The following CPLX2 variants were observed in gnomAD, a reference collection of about 807,000 sequenced individuals.
The protein encoded by CPLX2 is complexin-2.
Under a neutral mutation model 16.3 loss-of-function variants are expected in CPLX2, and 5 were observed. That is an observed-to-expected ratio of 0.31 (90% CI 0.16 to 0.64). The LOEUF (loss-of-function observed/expected upper bound fraction) is 0.64. CPLX2 is among the 30% of genes least tolerant of loss of function. The pLI is 0.79. For synonymous variants in CPLX2, 89 were observed against 73.2 expected (o/e 1.22, Z -1.10); for missense variants, 144 against 181.4 (o/e 0.79, Z 1.18).
At chr5:175,804,837 T>C (rs1758167260) in intron 1 of CPLX2, among the ~76,000 whole-genome samples, 1 of 152,228 alleles carries the variant, frequency 6.6e-6, no homozygotes, top group Admixed American at 6.5e-5. Context: ...TGTTAGATTC[T>C]GACTTCAGAC....
chr5:175,838,063 T>A (rs1017636876), intron 2 of CPLX2, among the ~76,000 whole-genome samples: 1 of 152,232 alleles, frequency 6.6e-6, no homozygotes, highest in Middle Eastern at 3.2e-3. Context: ...GGTAGAGTCC[T>A]ATTTTTGTTG....
rs561428639 is a variant in CPLX2, at chr5:175,815,158, C to T, written c.-89+6090C>T. Among the ~76,000 whole-genome samples the T allele has an allele frequency of 4.6e-5, 7 of 152,326 alleles. No individual in the cohort carries two copies. The East Asian group carries it at 9.7e-4, about 21-fold the overall frequency. On this transcript the variant is annotated intron_variant, in intron 2 of 4. Transcript: ENST00000359546. ...CTTTCTCCTACCCTGAATGGACAAACGTCACCATCCCAGTCTGGGAGCAGT... is the reference window on the plus strand; with the variant it reads ...CTTTCTCCTACCCTGAATGGACAAATGTCACCATCCCAGTCTGGGAGCAGT...
At chr5:175,806,647 C>T (rs1033802032) in intron 1 of CPLX2, among the ~76,000 whole-genome samples, 7 of 140,448 alleles carry the variant, frequency 5.0e-5, no homozygotes, top group Non-Finnish European at 9.1e-5. Context: ...TGTGTCACCA[C>T]GCCCGGTTAA....
At chr5:175,817,655 T>C (rs1420590842) in intron 2 of CPLX2, among the ~76,000 whole-genome samples, 2 of 152,200 alleles carry the variant, frequency 1.3e-5, no homozygotes, top group South Asian at 2.1e-4. Flanking sequence ...CCCTAGGGAC[T>C]AGGGATTGAG....
chr5:175,857,147 A>G (rs1443506440), intron 2 of CPLX2, among the ~76,000 whole-genome samples: 1 of 152,112 alleles, frequency 6.6e-6, no homozygotes, highest in Non-Finnish European at 1.5e-5. Context: ...TTCCCATTAC[A>G]TTCCCTGCCA....
chr5:175,804,013 C>G (rs1047973142), intron 1 of CPLX2, among the ~76,000 whole-genome samples: 1 of 152,186 alleles, frequency 6.6e-6, no homozygotes, highest in African/African-American at 2.4e-5. Context: ...CAGTAAGACA[C>G]CTGCCTCTGG....
intron 1 of CPLX2, among the ~76,000 whole-genome samples, chr5:175,806,282 A>G (rs1314669333): frequency 3.3e-5 from 5 of 151,864 alleles, no homozygotes; most frequent in African/African-American, 1.2e-4. Flanking sequence ...GTCTTTGCAG[A>G]TGCTGTTCCT....
chr5:175,870,891 G>A (rs1759575339), upstream of CPLX2, among the ~76,000 whole-genome samples: 1 of 152,166 alleles, frequency 6.6e-6, no homozygotes, highest in African/African-American at 2.4e-5. Flanking sequence ...GACCCACTGC[G>A]AGGGTCTTGC....
chr5:175,802,635 G>C (rs1459746501), intron 1 of CPLX2, among the ~76,000 whole-genome samples: 1 of 152,156 alleles, frequency 6.6e-6, no homozygotes. Context: ...CCTCTGCAGA[G>C]TAGGGCATGG....
chr5:175,798,182 A>T (rs1758028737), intron 1 of CPLX2, among the ~76,000 whole-genome samples: 1 of 152,220 alleles, frequency 6.6e-6, no homozygotes, highest in Non-Finnish European at 1.5e-5. Flanking sequence ...TGGGCAAGTG[A>T]CTGTCTGAGA....
At chr5:175,805,237 C>T (rs574774300) in intron 1 of CPLX2, among the ~76,000 whole-genome samples, 50 of 152,220 alleles carry the variant, frequency 3.3e-4, no homozygotes, top group African/African-American at 1.2e-3. Context: ...CCCTAATAAC[C>T]CTTTTGAGTA....
intron 2 of CPLX2, among the ~76,000 whole-genome samples, chr5:175,828,119 A>T (rs1275814885): frequency 6.6e-6 from 1 of 152,246 alleles, no homozygotes; most frequent in African/African-American, 2.4e-5. Context: ...TTAAAAATTC[A>T]CCATTTACTT....
chr5:175,879,126 G>T lies in CPLX2; in HGVS notation c.207+43G>T, dbSNP rs1040791450. 3.3e-6 allele frequency: 5 copies of T among 1,528,302 alleles called. No individual in the cohort carries two copies. The East Asian group carries it at 9.8e-5, about 30-fold the overall frequency. The allele number at this position is 1,528,302 out of a possible 1,614,324, so 94.7% of individuals were successfully genotyped here. ...GCCCGTCCTGGGGAGGGCCACAAGC[G>T]GGTAAAACCGGTCCAGCTAAAGCCC... On this transcript the variant is annotated intron_variant, in intron 3 of 3. Transcript: ENST00000393745.
rs1755672903 is a variant in CPLX2, at chr5:175,883,450, A to T, written c.*3405A>T. 1 of 152,366 alleles carries T rather than the reference A, an allele frequency of 6.6e-6. No homozygotes were observed. The highest frequency in any genetic ancestry group is 2.4e-5 in the African/African-American group (1 of 41,412). The allele number at this position is 152,366 out of a possible 1,614,324, so 9.4% of individuals were successfully genotyped here. A position where few individuals can be genotyped will look rare whatever the true frequency, so the allele number is the denominator to read the frequency against. ...AGGATACAGAAGTATTGCAGCCCAGATCCCCTATCAGGGGGACAGCTGGTG... is the reference window on the plus strand; with the variant it reads ...AGGATACAGAAGTATTGCAGCCCAGTTCCCCTATCAGGGGGACAGCTGGTG... On this transcript the variant is annotated 3_prime_UTR_variant, in exon 4 of 4. Transcript: ENST00000393745.
At chr5:175,817,240 A>G (rs1758424791) in intron 2 of CPLX2, among the ~76,000 whole-genome samples, 2 of 152,268 alleles carry the variant, frequency 1.3e-5, no homozygotes, top group African/African-American at 2.4e-5. Context: ...GGAGCCAGAA[A>G]GATCTGGGTT....
chr5:175,821,670 A>G (rs1019753716), intron 2 of CPLX2, among the ~76,000 whole-genome samples: 4 of 152,148 alleles, frequency 2.6e-5, no homozygotes, highest in Non-Finnish European at 5.9e-5. Context: ...GGCCTCCCAA[A>G]GTGCTGGGAT....
At chr5:175,868,319 A>T (rs766824678), upstream of CPLX2, among the ~76,000 whole-genome samples, 1 of 152,356 alleles carries the variant, frequency 6.6e-6, no homozygotes, top group African/African-American at 2.4e-5. Flanking sequence ...GGTCTGTGAC[A>T]GTTGTCATTC....
At chr5:175,838,779 G>A (rs1011773068) in intron 2 of CPLX2, among the ~76,000 whole-genome samples, 5 of 152,196 alleles carry the variant, frequency 3.3e-5, no homozygotes, top group Admixed American at 6.5e-5. Flanking sequence ...CACCACTCAC[G>A]CAGCCAGTGC....
At chr5:175,850,493 T>C (rs1759130958) in intron 2 of CPLX2, among the ~76,000 whole-genome samples, 1 of 152,204 alleles carries the variant, frequency 6.6e-6, no homozygotes, top group Non-Finnish European at 1.5e-5. Flanking sequence ...GTCTAGACTC[T>C]GGCCAACACA....
Sources: allele counts gnomAD v4.1 joint callset (sites outside exome capture counted in the v4.1 genomes callset), GRCh38; gene constraint gnomAD v4.1.1; transcripts MANE v1.5; gene names NCBI Gene and HGNC (gene_info 2026-07-23, HGNC 2026-07-21).